Variants in RARB observed in about 807,000 individuals in gnomAD.
RARB encodes HBV-activated protein.
Under a neutral mutation model 51.9 loss-of-function variants are expected in RARB, and 17 were observed. The ratio of observed to expected loss-of-function variants is 0.33; its 90% CI spans 0.22 to 0.49. The LOEUF is 0.49. Among genes scored for constraint, RARB ranks in the 20% least tolerant of loss-of-function variants. The pLI is 0.99. For synonymous variants in RARB, 215 were observed against 195.4 expected (o/e 1.10, Z -0.84); for missense variants, 369 against 550.8 (o/e 0.67, Z 3.30).
intron 4 of RARB, among the ~76,000 whole-genome samples, chr3:25,139,189 C>A (rs1457180484): frequency 1.3e-5 from 2 of 152,074 alleles, no homozygotes; most frequent in Non-Finnish European, 2.9e-5. Context: ...AATAACCCTA[C>A]AATAGCCTCT....
At chr3:24,930,591 T>G (rs1193474983) in intron 2 of RARB, among the ~76,000 whole-genome samples, 1 of 152,244 alleles carries the variant, frequency 6.6e-6, no homozygotes, top group Middle Eastern at 3.4e-3. Flanking sequence ...CAACTAATAT[T>G]AAATACATGC....
At chr3:24,871,630 G>A (rs781768853) in intron 2 of RARB, among the ~76,000 whole-genome samples, 3 of 151,900 alleles carry the variant, frequency 2.0e-5, no homozygotes, top group Admixed American at 6.6e-5. Flanking sequence ...CAATGTTCTC[G>A]CCCAAACACC....
chr3:25,151,623 A>G (rs1365637293), intron 4 of RARB, among the ~76,000 whole-genome samples: 2 of 152,216 alleles, frequency 1.3e-5, no homozygotes, highest in African/African-American at 2.4e-5. Context: ...TGTTCTTCTC[A>G]GATATCCATT....
At chr3:25,444,942 C>T (rs909940081) in intron 1 of RARB, among the ~76,000 whole-genome samples, 2 of 151,828 alleles carry the variant, frequency 1.3e-5, no homozygotes, top group Non-Finnish European at 1.5e-5. Context: ...TGAATGAACA[C>T]CTCTTTTCTT....
rs575632085 is a variant in RARB, at chr3:25,109,479, A to G, written c.-327-22682A>G. On this transcript the variant is annotated intron_variant, in intron 3 of 11. Coordinates refer to the RARB transcript ENST00000383772. Reference sequence around the variant, plus strand: ...AAATAATTTGTACAAGTACAAAAACACTGAAATTTACATGTTTTTTTAAAC... The same window carrying G: ...AAATAATTTGTACAAGTACAAAAACGCTGAAATTTACATGTTTTTTTAAAC... 2.0e-5 allele frequency among the ~76,000 whole-genome samples: 3 copies of G among 152,316 alleles called. No homozygotes were observed. The South Asian group carries it at 6.2e-4, about 32-fold the overall frequency.
chr3:25,095,142 A>G (rs1449032894), intron 3 of RARB, among the ~76,000 whole-genome samples: 1 of 152,172 alleles, frequency 6.6e-6, no homozygotes, highest in African/African-American at 2.4e-5. Context: ...GTATATTGCC[A>G]TCACCAGGAG....
intron 2 of RARB, among the ~76,000 whole-genome samples, chr3:25,482,761 G>A (rs534772578): frequency 1.3e-5 from 2 of 151,680 alleles, no homozygotes; most frequent in Non-Finnish European, 2.9e-5. Flanking sequence ...GGATGGTCTC[G>A]ATCTCCTGAC....
chr3:25,288,874 C>G (rs1703717125), intron 5 of RARB, among the ~76,000 whole-genome samples: 1 of 152,128 alleles, frequency 6.6e-6, no homozygotes, highest in African/African-American at 2.4e-5. Flanking sequence ...TCTTAGCCCT[C>G]CCTTTTATGC....
At chr3:25,450,686 C>G (rs1045066441) in intron 1 of RARB, among the ~76,000 whole-genome samples, 3 of 152,244 alleles carry the variant, frequency 2.0e-5, no homozygotes, top group East Asian at 3.9e-4. Flanking sequence ...TGTAGCATCC[C>G]TGGCCTCTAC....
intron 2 of RARB, among the ~76,000 whole-genome samples, chr3:24,975,700 T>G (rs992970392): frequency 3.9e-5 from 6 of 152,182 alleles, no homozygotes; most frequent in South Asian, 4.1e-4. Flanking sequence ...CTTCTTTAGG[T>G]AAAAATAATC....
chr3:24,841,189 C>G (rs1197614152), intron 1 of RARB, among the ~76,000 whole-genome samples: 1 of 152,206 alleles, frequency 6.6e-6, no homozygotes, highest in African/African-American at 2.4e-5. Flanking sequence ...CTCAATTCAA[C>G]AATTCCATGG....
intron 5 of RARB, among the ~76,000 whole-genome samples, chr3:25,248,063 G>A (rs1481935319): frequency 6.6e-6 from 1 of 152,136 alleles, no homozygotes; most frequent in Non-Finnish European, 1.5e-5. Flanking sequence ...TCTGGTGTCG[G>A]ATGAATATAT....
intron 5 of RARB, among the ~76,000 whole-genome samples, chr3:25,396,703 T>G (rs1707124353): frequency 6.6e-6 from 1 of 151,900 alleles, no homozygotes; most frequent in African/African-American, 2.4e-5. Context: ...TTGGGTGGGG[T>G]TTGCTGTGGC....
Position 25,157,380 on chromosome 3 carries a change from G to GTGTGTA in RARB, c.-279-16738_-279-16737insGTGTAT, listed in dbSNP as rs758200423. Among the ~76,000 whole-genome samples the GTGTGTA allele has an allele frequency of 4.5e-3, 655 of 146,754 alleles. 6 individuals are homozygous for GTGTGTA. The highest frequency in any genetic ancestry group is 0.01 in the East Asian group (51 of 4,942). On this transcript the variant is annotated intron_variant, in intron 4 of 11. Coordinates refer to the RARB transcript ENST00000383772. ...TGTGTGTGTGTGTGTGTGTGTGTGTGTATATATATGGTTTTTTTTGTTGTT... is the reference window on the plus strand; with the variant it reads ...TGTGTGTGTGTGTGTGTGTGTGTGTGTGTGTATATATATATGGTTTTTTTTGTTGTT...
At chr3:25,584,953 TCC>T (rs1701326128) in intron 5 of RARB, among the ~76,000 whole-genome samples, 3 of 147,884 alleles carry the variant, frequency 2.0e-5, no homozygotes, top group African/African-American at 7.8e-5. Flanking sequence ...CCCCTCACCC[TCC>T]GCCCCCACCC....
intron 5 of RARB, among the ~76,000 whole-genome samples, chr3:25,379,809 CTT>C (rs869071554): frequency 1.3e-5 from 2 of 152,254 alleles, no homozygotes; most frequent in African/African-American, 2.4e-5. Context: ...AGAATGAAGA[CTT>C]TTTCTTTCTT....
At chr3:25,367,828 C>CAAAAAAAAAAAAA (rs1559374236) in intron 5 of RARB, among the ~76,000 whole-genome samples, 60 of 139,402 alleles carry the variant, frequency 4.3e-4, no homozygotes, top group East Asian at 6.7e-4. Context: ...AAAAAAAAAA[C>CAAAAAAAAAAAAA]AAAAACAAAA....
intron 5 of RARB, among the ~76,000 whole-genome samples, chr3:25,583,114 G>T (rs1159828601): frequency 6.6e-6 from 1 of 152,152 alleles, no homozygotes; most frequent in Non-Finnish European, 1.5e-5. Flanking sequence ...TAGTTAAAGG[G>T]CAAAGACCTC....
Position 25,248,862 on chromosome 3 carries a change from G to T in RARB, c.178+74287G>T, listed in dbSNP as rs116188971. On this transcript the variant is annotated intron_variant, in intron 5 of 11. Transcript: ENST00000383772. ...TAGATTCTTTATCTTGCTGTTGTTT[G>T]AATTCTCTTTGTCTTTCACTTTTGA... is the stretch of plus-strand genomic sequence containing the variant. Among the ~76,000 whole-genome samples the T allele has an allele frequency of 4.7e-3, 718 of 152,134 alleles. 10 individuals carry two copies. The highest frequency in any genetic ancestry group is 0.017 in the African/African-American group (687 of 41,518).
Sources: allele counts gnomAD v4.1 joint callset (sites outside exome capture counted in the v4.1 genomes callset), GRCh38; gene constraint gnomAD v4.1.1; transcripts MANE v1.5; gene names NCBI Gene and HGNC (gene_info 2026-07-23, HGNC 2026-07-21).